The following SLC1A2 variants were observed in gnomAD, a reference collection of about 807,000 sequenced individuals.
SLC1A2 encodes solute carrier family 1 member 2.
Under a neutral mutation model 48.8 loss-of-function variants are expected in SLC1A2, and 15 were observed. That is an observed-to-expected ratio of 0.31 (90% confidence interval 0.21 to 0.47). The LOEUF (loss-of-function observed/expected upper bound fraction) is 0.47, where lower values mean the gene tolerates loss of function less well. SLC1A2 is among the 20% of genes least tolerant of loss of function. The probability of loss-of-function intolerance (pLI) is 0.99; values close to 1 mark genes in which losing one functional copy is unlikely to be tolerated. For missense variants in SLC1A2, 502 were observed against 730.5 expected, an observed-to-expected ratio of 0.69 and a Z score of 3.61; for synonymous variants, 279 against 272.6, an observed-to-expected ratio of 1.02 and a Z score of -0.23.
At position 35,387,746 on chromosome 11, in the gene SLC1A2, C is replaced by T. The variant is rs987853618; in HGVS notation, c.17+31204G>A. On this transcript the variant is annotated intron_variant, in intron 1 of 10. Transcript: ENST00000278379. ...GTCGGTAAGCCATTAAGCATCAGGA[C>T]CTTAAAATAAGGGAACCAAAATGCC... Among the ~76,000 whole-genome samples, 5 of 151,920 alleles carry T rather than the reference C, an allele frequency of 3.3e-5. No individual in the cohort carries two copies. In the East Asian group the frequency reaches 9.7e-4, roughly 29 times the overall value.
rs1224288954 is a variant in SLC1A2, at chr11:35,254,405, A to G, written c.*6489T>C. 1.2e-5 allele frequency: 2 copies of G among 168,102 alleles called. No homozygotes were observed. The highest frequency in any genetic ancestry group is 4.8e-5 in the African/African-American group (2 of 41,652). 10.4% of individuals were successfully genotyped at this position (168,102 alleles called of 1,614,324 possible). On this transcript the variant is annotated 3_prime_UTR_variant, in exon 11 of 11. Coordinates refer to ENST00000278379, the MANE Select transcript of SLC1A2 (RefSeq NM_004171.4). ...AGGGAAGTAACTCTTATGGAGTATTAAACCACCAGACAGCCAACTTTCTGA... is the reference window on the plus strand; with the variant it reads ...AGGGAAGTAACTCTTATGGAGTATTGAACCACCAGACAGCCAACTTTCTGA...
Position 35,262,247 on chromosome 11 carries a change from C to T in SLC1A2, c.1654-1282G>A, listed in dbSNP as rs1027398157. Among the ~76,000 whole-genome samples, 9 of 152,180 alleles carry T rather than the reference C, an allele frequency of 5.9e-5. No homozygotes were observed. In the South Asian group the frequency reaches 8.3e-4, roughly 14 times the overall value. On this transcript the variant is annotated intron_variant, in intron 10 of 10. Transcript: ENST00000278379. ...GCCTATTTGGCTCTCAGCGATGAAC[C>T]GCATCAATAGTGGTACAAAATTATC...
intron 1 of SLC1A2, among the ~76,000 whole-genome samples, chr11:35,360,499 T>C (rs1853640374): frequency 6.6e-6 from 1 of 152,174 alleles, no homozygotes; most frequent in Admixed American, 6.5e-5. Context: ...CCATTAACCA[T>C]TTCATCCTTG....
intron 1 of SLC1A2, among the ~76,000 whole-genome samples, chr11:35,344,349 A>C (rs1421405235): frequency 6.6e-6 from 1 of 152,262 alleles, no homozygotes; most frequent in Non-Finnish European, 1.5e-5. Context: ...AGAAAGTTAC[A>C]GTGACCATGT....
chr11:35,279,920 C>T (rs1053987961), intron 9 of SLC1A2, among the ~76,000 whole-genome samples: 32 of 152,118 alleles, frequency 2.1e-4, no homozygotes, highest in Non-Finnish European at 4.1e-4. Flanking sequence ...GGATGAAGGC[C>T]TCTCTCTATC....
intron 1 of SLC1A2, among the ~76,000 whole-genome samples, chr11:35,411,813 A>G (rs1457323791): frequency 3.3e-5 from 5 of 152,216 alleles, no homozygotes; most frequent in African/African-American, 1.2e-4. Flanking sequence ...AATCATTTTC[A>G]ATTAACTAAA....
At chr11:35,271,172 T>A (rs905690670) in intron 9 of SLC1A2, among the ~76,000 whole-genome samples, 5 of 152,152 alleles carry the variant, frequency 3.3e-5, no homozygotes, top group Non-Finnish European at 5.9e-5. Context: ...TAACCATATG[T>A]AGGGAGCATG....
At chr11:35,328,970 A>G (rs1411427621) in intron 1 of SLC1A2, among the ~76,000 whole-genome samples, 1 of 152,234 alleles carries the variant, frequency 6.6e-6, no homozygotes, top group Admixed American at 6.5e-5. Flanking sequence ...TAGCAGCTTT[A>G]TTTATAATTC....
At chr11:35,317,586 A>C in intron 1 of SLC1A2, 70 bp from the exon 2 acceptor site, 1 of 1,528,522 alleles carries the variant, frequency 6.5e-7, no homozygotes, top group Non-Finnish European at 8.9e-7. Flanking sequence ...GGGCTCGACT[A>C]GTAGGAACCT....
At chr11:35,385,795 T>C (rs1307479166) in intron 1 of SLC1A2, among the ~76,000 whole-genome samples, 1 of 152,196 alleles carries the variant, frequency 6.6e-6, no homozygotes, top group Non-Finnish European at 1.5e-5. Flanking sequence ...GGTGAAACTA[T>C]GTGTAGAATT....
intron 1 of SLC1A2, among the ~76,000 whole-genome samples, chr11:35,370,059 C>T (rs760048855): frequency 2.6e-5 from 4 of 152,142 alleles, no homozygotes; most frequent in Non-Finnish European, 5.9e-5. Context: ...GTATACGTGA[C>T]CCTCCAATAG....
chr11:35,317,279 T>G, intron 2 of SLC1A2, 98 bp downstream of exon 2: 2 of 1,393,416 alleles, frequency 1.4e-6, no homozygotes, highest in Non-Finnish European at 2.0e-6. Context: ...GTGGCTTCCT[T>G]TCTGGTGGAA....
At chr11:35,368,144 C>T (rs1195073563) in intron 1 of SLC1A2, among the ~76,000 whole-genome samples, 2 of 152,196 alleles carry the variant, frequency 1.3e-5, no homozygotes, top group Admixed American at 6.5e-5. Context: ...CTTAATCCCT[C>T]ATCAATGCAC....
intron 9 of SLC1A2, among the ~76,000 whole-genome samples, chr11:35,277,690 G>A (rs1484199516): frequency 6.6e-6 from 1 of 152,214 alleles, no homozygotes; most frequent in Non-Finnish European, 1.5e-5. Context: ...AAAGACTTGA[G>A]AGGCAAAGAG....
intron 1 of SLC1A2, among the ~76,000 whole-genome samples, chr11:35,369,169 T>C (rs936695524): frequency 1.6e-4 from 24 of 152,180 alleles, no homozygotes; most frequent in African/African-American, 5.5e-4. Context: ...GTGGATAATA[T>C]GTGGGCAGCA....
At chr11:35,338,188 G>A (rs1384125154) in intron 1 of SLC1A2, among the ~76,000 whole-genome samples, 2 of 144,542 alleles carry the variant, frequency 1.4e-5, no homozygotes, top group East Asian at 1.9e-4. Context: ...TATTGTCTAC[G>A]GTTACTTTTG....
chr11:35,268,628 A>G (rs576013929), intron 9 of SLC1A2, among the ~76,000 whole-genome samples: 1 of 151,592 alleles, frequency 6.6e-6, no homozygotes, highest in South Asian at 2.1e-4. Flanking sequence ...TGGTGCCACT[A>G]CACTCCAGTC....
chr11:35,393,358 TG>T (rs1257292479), intron 1 of SLC1A2, among the ~76,000 whole-genome samples: 2 of 152,204 alleles, frequency 1.3e-5, no homozygotes, highest in Admixed American at 6.5e-5. Flanking sequence ...CAGCTTGAGC[TG>T]GTCCCAGGAG....
At chr11:35,396,975 T>A (rs865793545) in intron 1 of SLC1A2, among the ~76,000 whole-genome samples, 26 of 150,710 alleles carry the variant, frequency 1.7e-4, no homozygotes, top group Middle Eastern at 3.4e-3. Context: ...TTACAAGGGA[T>A]GTGAAGGACC....
Sources: gnomAD v4.1 joint callset for allele counts (sites outside exome capture counted in the v4.1 genomes callset) on GRCh38, gnomAD v4.1.1 for gene constraint, MANE v1.5 for transcripts, NCBI Gene and HGNC (gene_info 2026-07-23, HGNC 2026-07-21) for gene names.